PSD3: variants seen among roughly 807,000 people sequenced by gnomAD.
The protein encoded by PSD3 is pleckstrin and Sec7 domain containing 3, also known as PH and SEC7 domain-containing protein 3.
A neutral mutation model predicts 105.5 loss-of-function variants in PSD3; 49 were observed. The ratio of observed to expected loss-of-function variants is 0.46; its 90% CI spans 0.37 to 0.59. PSD3 has a LOEUF of 0.59. PSD3 is among the 20% of genes least tolerant of loss of function. The pLI is 0.00. For missense variants in PSD3, 1,561 were observed against 1,263.8 expected (o/e 1.24, Z -3.57); for synonymous variants, 557 against 457.8 (o/e 1.22, Z -2.77).
chr8:18,829,350 G>C lies in PSD3; in HGVS notation c.1635-24452C>G, dbSNP rs534968016. Among the ~76,000 whole-genome samples, 3 of 152,288 alleles carry C rather than the reference G, an allele frequency of 2.0e-5. No homozygotes were observed. The South Asian group carries it at 6.2e-4, about 32-fold the overall frequency. ...TCATTTAAAAAACACACACAAGGGAGAAAGTTTTAAGGTTATCTAGTAACC... is the reference window on the plus strand; with the variant it reads ...TCATTTAAAAAACACACACAAGGGACAAAGTTTTAAGGTTATCTAGTAACC... On this transcript the variant is annotated intron_variant, in intron 4 of 15. Transcript: ENST00000327040.
chr8:18,684,026 G>C, intron 9 of PSD3: 1 of 663,962 alleles, frequency 1.5e-6, no homozygotes, highest in Non-Finnish European at 2.7e-6. Flanking sequence ...CTGCGGGGTT[G>C]TGCCTGAGCA....
intron 9 of PSD3, among the ~76,000 whole-genome samples, chr8:18,745,015 A>C (rs897943583): frequency 2.6e-5 from 4 of 152,238 alleles, no homozygotes; most frequent in African/African-American, 9.6e-5. Context: ...TTTGGGAAAG[A>C]GAAGTGATGT....
intron 1 of PSD3, among the ~76,000 whole-genome samples, chr8:18,975,991 T>C (rs944948566): frequency 6.6e-6 from 1 of 152,184 alleles, no homozygotes. Context: ...TTCCCTTCCA[T>C]CCACCATTTA....
At position 18,533,440 on chromosome 8, in the gene PSD3, T is replaced by C. The variant is rs1320403190; in HGVS notation, c.*2303A>G. On this transcript the variant is annotated 3_prime_UTR_variant, in exon 16 of 16. Transcript: ENST00000327040. ...TTAGCCTATCCAGAAGTCCCTGGAG[T>C]TAATATTAGTGACTCATATGACACG... The C allele has an allele frequency of 6.6e-6, 1 of 152,066 alleles. No individual in the cohort carries two copies. The highest frequency in any genetic ancestry group is 1.5e-5 in the Non-Finnish European group (1 of 68,018). The allele number at this position is 152,066 out of a possible 1,614,324, so 9.4% of individuals were successfully genotyped here. A position where few individuals can be genotyped will look rare whatever the true frequency, so the allele number is the denominator to read the frequency against.
At chr8:19,076,973 G>C (rs1586700111) in intron 1 of PSD3, among the ~76,000 whole-genome samples, 1 of 152,088 alleles carries the variant, frequency 6.6e-6, no homozygotes, top group East Asian at 1.9e-4. Flanking sequence ...CCTTGACCTT[G>C]ACTTTTATTT....
intron 12 of PSD3, among the ~76,000 whole-genome samples, chr8:18,578,596 T>C (rs1585289705): frequency 6.6e-6 from 1 of 152,096 alleles, no homozygotes; most frequent in Non-Finnish European, 1.5e-5. Context: ...ACAAAACCAA[T>C]TGGTAGCTAT....
At chr8:18,967,534 A>G (rs75927877) in intron 1 of PSD3, among the ~76,000 whole-genome samples, 2,735 of 152,256 alleles carry the variant, frequency 0.018, 90 homozygotes, top group African/African-American at 0.063. Context: ...CTATTGACTC[A>G]CTTAACTATT....
intron 9 of PSD3, among the ~76,000 whole-genome samples, chr8:18,740,587 G>C (rs975706316): frequency 1.3e-5 from 2 of 151,806 alleles, no homozygotes; most frequent in Admixed American, 6.6e-5. Context: ...ACAGCCCCTC[G>C]GTTTCATTAC....
intron 10 of PSD3, among the ~76,000 whole-genome samples, chr8:18,654,414 A>T (rs1208718393): frequency 1.3e-5 from 2 of 152,204 alleles, no homozygotes; most frequent in Non-Finnish European, 2.9e-5. Context: ...ATACTTATGA[A>T]TACTTAGTAA....
intron 11 of PSD3, among the ~76,000 whole-genome samples, chr8:18,602,856 A>C (rs1804534350): frequency 6.6e-6 from 1 of 152,160 alleles, no homozygotes; most frequent in Non-Finnish European, 1.5e-5. Context: ...GCTGGATGCT[A>C]ATGAATGACA....
Position 18,617,154 on chromosome 8 carries a change from A to T in PSD3, c.2410+15459T>A, listed in dbSNP as rs191354317. Reference sequence around the variant, plus strand: ...GATGGGGAAGTTTTTTTCCTGGATGACCCCTACAGTATAGAACCTTCTAAT... The same window carrying T: ...GATGGGGAAGTTTTTTTCCTGGATGTCCCCTACAGTATAGAACCTTCTAAT... On this transcript the variant is annotated intron_variant, in intron 11 of 15. Coordinates refer to ENST00000327040, the MANE Select transcript of PSD3 (RefSeq NM_015310.4). Among the ~76,000 whole-genome samples the T allele has an allele frequency of 1.2e-3, 182 of 152,162 alleles. 1 individual carries two copies. The highest frequency in any genetic ancestry group is 4.2e-3 in the African/African-American group (175 of 41,510).
At chr8:18,674,949 T>C (rs1799988199) in intron 9 of PSD3, among the ~76,000 whole-genome samples, 1 of 151,908 alleles carries the variant, frequency 6.6e-6, no homozygotes, top group South Asian at 2.1e-4. Flanking sequence ...TACAGTGAGG[T>C]ATGTTCTTAC....
chr8:18,721,853 T>G (rs566383498), intron 9 of PSD3, among the ~76,000 whole-genome samples: 3 of 152,288 alleles, frequency 2.0e-5, no homozygotes, highest in Non-Finnish European at 4.4e-5. Context: ...TGTGTTGCAT[T>G]AAAAGTGAGC....
At chr8:18,630,275 T>C (rs1304108004) in intron 11 of PSD3, among the ~76,000 whole-genome samples, 7 of 151,896 alleles carry the variant, frequency 4.6e-5, no homozygotes, top group Non-Finnish European at 7.4e-5. Flanking sequence ...TTAAAGGAGA[T>C]ACAATGGCAG....
At chr8:18,815,498 A>G (rs1228460762) in intron 4 of PSD3, among the ~76,000 whole-genome samples, 1 of 152,024 alleles carries the variant, frequency 6.6e-6, no homozygotes, top group Non-Finnish European at 1.5e-5. Context: ...TTTAGTAGAG[A>G]TGGGGTTTCA....
intron 11 of PSD3, among the ~76,000 whole-genome samples, chr8:18,617,522 A>T (rs948224273): frequency 8.5e-5 from 13 of 152,082 alleles, no homozygotes; most frequent in African/African-American, 3.1e-4. Context: ...CAAGAGCGAA[A>T]CTCCATCTCA....
chr8:19,050,491 G>A (rs1450220734), intron 1 of PSD3, among the ~76,000 whole-genome samples: 1 of 152,118 alleles, frequency 6.6e-6, no homozygotes, highest in African/African-American at 2.4e-5. Flanking sequence ...ATACACCATG[G>A]AATACTATGC....
At chr8:18,966,568 T>TAA (rs34134930) in intron 1 of PSD3, among the ~76,000 whole-genome samples, 8 of 135,938 alleles carry the variant, frequency 5.9e-5, no homozygotes, top group Admixed American at 7.4e-5. Context: ...GAGACTGTCT[T>TAA]AAAAAAAAAA....
chr8:18,637,503 G>A (rs1244950550), intron 10 of PSD3, among the ~76,000 whole-genome samples: 1 of 152,134 alleles, frequency 6.6e-6, no homozygotes, highest in East Asian at 1.9e-4. Flanking sequence ...CCTGGCAACT[G>A]ACTTCCATCC....
Sources: allele counts gnomAD v4.1 joint callset (sites outside exome capture counted in the v4.1 genomes callset), GRCh38; gene constraint gnomAD v4.1.1; transcripts MANE v1.5; gene names NCBI Gene and HGNC (gene_info 2026-07-23, HGNC 2026-07-21).